Variants in HLA-DMA observed in about 807,000 individuals in gnomAD.
HLA-DMA encodes HLA class II histocompatibility antigen, DM alpha chain.
HLA-DMA carries 20 observed loss-of-function variants against 27.3 expected under a neutral mutation model. The ratio of observed to expected loss-of-function variants is 0.73; its 90% CI spans 0.52 to 1.07. The LOEUF (loss-of-function observed/expected upper bound fraction) is 1.07, where lower values mean the gene tolerates loss of function less well. Ranked by LOEUF, HLA-DMA falls within the 50% of genes least tolerant of loss-of-function variation. HLA-DMA has a pLI of 0.00. For missense variants in HLA-DMA, 241 were observed against 321.7 expected, an observed-to-expected ratio of 0.75 and a Z score of 1.92; for synonymous variants, 111 against 126.8, an observed-to-expected ratio of 0.88 and a Z score of 0.83.
rs1049152550 is a variant in HLA-DMA at position 32,950,725 on chromosome 6, C to T, written c.167G>A (p.Ser56Asn). The T allele has an allele frequency of 2.4e-5, 39 of 1,612,612 alleles. No homozygotes were observed. Among genetic ancestry groups the T allele is most frequent in the Non-Finnish European group, 3.3e-5 (39 of 1,179,734 alleles). Reference protein sequence around the residue: ...HTVYCQDGSPSVGLSEAYDED... With the variant: ...HTVYCQDGSPNVGLSEAYDED... ...GTCGTAGGCCTCAGAGAGTCCCACA[C>T]TGGGACTCCCATCCTGGCAGTACAC... The change falls in exon 2 of 5, where the codon AGT becomes AAT. Residue 56 changes from serine (S) to asparagine (N), a missense_variant. Transcript: ENST00000374843. The surrounding 1 kb of genome is among the most constrained non-coding windows in gnomAD (Gnocchi z 5.0).
At position 32,950,845 on chromosome 6, in the gene HLA-DMA, T is replaced by C; in HGVS notation, c.89-42A>G. ...GTGAGGTTCAGGGAGGTGGGAGCCTTCTCCTCCAACTTAAAAAACAGCAAG... is the reference window on the plus strand; with the variant it reads ...GTGAGGTTCAGGGAGGTGGGAGCCTCCTCCTCCAACTTAAAAAACAGCAAG... On this transcript the variant is annotated intron_variant, in intron 1 of 4. Coordinates refer to ENST00000374843, the MANE Select transcript of HLA-DMA (RefSeq NM_006120.4). This position sits in a 1 kb window ranked among gnomAD's most constrained non-coding sequence, Gnocchi z 5.0. 1 of 1,584,404 alleles carries C rather than the reference T, an allele frequency of 6.3e-7. No homozygotes were observed. The highest frequency in any genetic ancestry group is 8.6e-7 in the Non-Finnish European group (1 of 1,161,442).
Position 32,949,479 on chromosome 6 carries a change from G to T in HLA-DMA, c.653-80C>A. On this transcript the variant is annotated intron_variant, in intron 3 of 4. Transcript: ENST00000374843. This position sits in a 1 kb window ranked among gnomAD's most constrained non-coding sequence, Gnocchi z 5.8. ...GGGAAATGACGTGGGTGTCTGGGATGACATGGGAGACTGGGATGGGCTTAG... is the reference window on the plus strand; with the variant it reads ...GGGAAATGACGTGGGTGTCTGGGATTACATGGGAGACTGGGATGGGCTTAG... 6.2e-7 allele frequency: 1 copy of T among 1,601,826 alleles called. No individual in the cohort carries two copies. The highest frequency in any genetic ancestry group is 1.1e-5 in the South Asian group (1 of 90,554).
At position 32,950,025 on chromosome 6, in the gene HLA-DMA, C is replaced by T. The variant is rs1054316217; in HGVS notation, c.374-136G>A. 8 of 825,288 alleles carry T rather than the reference C, an allele frequency of 9.7e-6. No homozygotes were observed. In the African/African-American group the frequency reaches 1.0e-4, roughly 11 times the overall value. The allele number at this position is 825,288 out of a possible 1,614,324, so 51.1% of individuals were successfully genotyped here. A position where few individuals can be genotyped will look rare whatever the true frequency, so the allele number is the denominator to read the frequency against. ...TCAGGCTTTGGGAGACAGAGATGAG[C>T]GAGGAGCTGGGCTCTGAAGGGAGGT... is the stretch of plus-strand genomic sequence containing the variant. On this transcript the variant is annotated intron_variant, in intron 2 of 4. Coordinates refer to ENST00000374843, the MANE Select transcript of HLA-DMA (RefSeq NM_006120.4). This position sits in a 1 kb window ranked among gnomAD's most constrained non-coding sequence, Gnocchi z 5.0.
In HLA-DMA at chr6:32,948,708, A is replaced by G; in HGVS notation, c.*156T>C. 1.2e-6 allele frequency: 1 copy of G among 836,996 alleles called. No individual in the cohort carries two copies. The highest frequency in any genetic ancestry group is 1.7e-5 in the African/African-American group (1 of 59,432). 51.8% of individuals were successfully genotyped at this position (836,996 alleles called of 1,614,324 possible). On this transcript the variant is annotated 3_prime_UTR_variant, in exon 5 of 5. Transcript: ENST00000374843. The stretch of plus-strand genomic sequence containing the variant: ...GGATCCCTGGGATGCAAGCCCAGGG[A>G]CAGCAGAGTCCCCAGGTGGGAAATC...
intron 1 of HLA-DMA, among the ~76,000 whole-genome samples, chr6:32,951,305 T>C (rs764501920): frequency 2.6e-5 from 4 of 152,026 alleles, no homozygotes; most frequent in African/African-American, 7.2e-5. Flanking sequence ...AAAAGGCCAG[T>C]TGGCAAAAGT....
In HLA-DMA at chr6:32,949,771, ATGATGCTGCCAGTTCACTG is replaced by A; in HGVS notation, c.473_491del (p.Thr158IlefsTer27). On this transcript the variant is annotated frameshift_variant, in exon 3 of 5. Coordinates refer to ENST00000374843, the MANE Select transcript of HLA-DMA (RefSeq NM_006120.4). LOFTEE classifies it high-confidence loss of function. The surrounding 1 kb of genome is among the most constrained non-coding windows in gnomAD (Gnocchi z 5.8). ...GCCCAAATCCTTCCACAGGGACGGAATGATGCTGCCAGTTCACTGTCAGCATGGGTGGGAAGAGATTACT... is the reference window on the plus strand; with the variant it reads ...GCCCAAATCCTTCCACAGGGACGGAATCAGCATGGGTGGGAAGAGATTACT... 6.2e-7 allele frequency: 1 copy of A among 1,613,128 alleles called. No individual in the cohort carries two copies. The highest frequency in any genetic ancestry group is 8.5e-7 in the Non-Finnish European group (1 of 1,180,050).
chr6:32,952,841 CA>C (rs1201501119), intron 1 of HLA-DMA, 107 bp downstream of exon 1: 1 of 784,190 alleles, frequency 1.3e-6, no homozygotes, highest in Non-Finnish European at 2.2e-6. Context: ...CTGTTGTTTC[CA>C]CTGCCTCATA....
chr6:32,950,240 G>A lies in HLA-DMA; in HGVS notation c.373+279C>T, dbSNP rs1186454160. 3.4e-6 allele frequency: 2 copies of A among 593,592 alleles called. No homozygotes were observed. The highest frequency in any genetic ancestry group is 3.7e-5 in the African/African-American group (2 of 53,788). 36.8% of individuals were successfully genotyped at this position (593,592 alleles called of 1,614,324 possible). A position where few individuals can be genotyped will look rare whatever the true frequency, so the allele number is the denominator to read the frequency against. On this transcript the variant is annotated intron_variant, in intron 2 of 4. Coordinates refer to ENST00000374843, the MANE Select transcript of HLA-DMA (RefSeq NM_006120.4). The surrounding 1 kb of genome is among the most constrained non-coding windows in gnomAD (Gnocchi z 5.0). ...TTCCACTCTTCCCATCCATCTTGCT[G>A]GGCATAGTAGCACAAGTGTTAATAT... is the stretch of plus-strand genomic sequence containing the variant.
chr6:32,949,329 C>A lies in HLA-DMA; in HGVS notation c.723G>T (p.Val241=). 6.2e-7 allele frequency: 1 copy of A among 1,614,212 alleles called. No homozygotes were observed. Among genetic ancestry groups the A allele is most frequent in the Non-Finnish European group, 8.5e-7 (1 of 1,180,046 alleles). ...VLCGVAFGLG[V]LGIIVGIVLI... ...GAACAATGCCCACGATGATGCCCAG[C>A]ACACCCAGGCCAAAGGCCACGCCAC... Residue 241 remains valine (V), a synonymous_variant, in exon 4 of 5, where the codon GTG becomes GTT. Transcript: ENST00000374843. This position sits in a 1 kb window ranked among gnomAD's most constrained non-coding sequence, Gnocchi z 5.8.
chr6:32,949,551 C>T lies in HLA-DMA; in HGVS notation c.652+60G>A. ...GTACCAGTGGAGAAAGAAGCCTCCT[C>T]CCATGGATCTATCCCTTTTTGCCCC... is the stretch of plus-strand genomic sequence containing the variant. On this transcript the variant is annotated intron_variant, in intron 3 of 4. Transcript: ENST00000374843. The surrounding 1 kb of genome is among the most constrained non-coding windows in gnomAD (Gnocchi z 5.8). 6.2e-7 allele frequency: 1 copy of T among 1,604,526 alleles called. No homozygotes were observed. Among genetic ancestry groups the T allele is most frequent in the East Asian group, 2.2e-5 (1 of 44,754 alleles).
chr6:32,951,699 C>T (rs1322368389), intron 1 of HLA-DMA, among the ~76,000 whole-genome samples: 3 of 151,960 alleles, frequency 2.0e-5, no homozygotes, highest in African/African-American at 4.8e-5. Flanking sequence ...GAGGCCAAGG[C>T]GGGTGGATCA....
At position 32,949,286 on chromosome 6, in the gene HLA-DMA, T is replaced by C. The variant is rs1776784538; in HGVS notation, c.766A>G (p.Lys256Glu). Reference protein sequence around the residue: ...VGIVLIIYFRKPCSGD With the variant: ...VGIVLIIYFREPCSGD ...GATGACATACCACCTGAGCAAGGCT[T>C]CCGGAAGTAGATGATGAGAACAATG... Residue 256 changes from lysine (K) to glutamate (E), a missense_variant, in exon 4 of 5, where the codon AAG (lysine) becomes GAG (glutamate). Physicochemically the swap from Lys to Glu is moderately conservative, Grantham distance 56. Coordinates refer to ENST00000374843, the MANE Select transcript of HLA-DMA (RefSeq NM_006120.4). The surrounding 1 kb of genome is among the most constrained non-coding windows in gnomAD (Gnocchi z 5.8). The C allele has an allele frequency of 6.2e-7, 1 of 1,613,932 alleles. No homozygotes were observed. The highest frequency in any genetic ancestry group is 8.5e-7 in the Non-Finnish European group (1 of 1,180,006).
chr6:32,950,202 C>T lies in HLA-DMA; in HGVS notation c.374-313G>A, dbSNP rs1014953785. The T allele has an allele frequency of 4.4e-5, 26 of 590,706 alleles. No homozygotes were observed. The highest frequency in any genetic ancestry group is 6.6e-5 in the Non-Finnish European group (22 of 333,380). The allele number at this position is 590,706 out of a possible 1,614,324, so 36.6% of individuals were successfully genotyped here. A position where few individuals can be genotyped will look rare whatever the true frequency, so the allele number is the denominator to read the frequency against. ...CTGTCTTCTCACTAAGACATAGTCACGTCATCAGATATTTCCACTCTTCCC... is the reference window on the plus strand; with the variant it reads ...CTGTCTTCTCACTAAGACATAGTCATGTCATCAGATATTTCCACTCTTCCC... On this transcript the variant is annotated intron_variant, in intron 2 of 4. Transcript: ENST00000374843. This position sits in a 1 kb window ranked among gnomAD's most constrained non-coding sequence, Gnocchi z 5.0.
Position 32,948,840 on chromosome 6 carries a change from G to A in HLA-DMA, c.*24C>T. On this transcript the variant is annotated 3_prime_UTR_variant, in exon 5 of 5. Transcript: ENST00000374843. The stretch of plus-strand genomic sequence containing the variant: ...TCTGTTTGGATGGCCGAAGCTGCTG[G>A]CATCAAACTCTGGTCTGGAAGAATC... 6.2e-7 allele frequency: 1 copy of A among 1,613,876 alleles called. No individual in the cohort carries two copies. The highest frequency in any genetic ancestry group is 8.5e-7 in the Non-Finnish European group (1 of 1,179,860).
chr6:32,952,036 C>T (rs1776925288), intron 1 of HLA-DMA, among the ~76,000 whole-genome samples: 1 of 152,192 alleles, frequency 6.6e-6, no homozygotes, highest in African/African-American at 2.4e-5. Flanking sequence ...TGCACAAAGA[C>T]ACCTAGCCAA....
intron 1 of HLA-DMA, chr6:32,952,610 A>ATCTTG (rs1776953169): frequency 2.2e-6 from 1 of 461,140 alleles, no homozygotes; most frequent in Non-Finnish European, 4.1e-6. Context: ...GCAGAGTAGA[A>ATCTTG]TCTTGAGTGG....
Position 32,950,061 on chromosome 6 carries a change from G to T in HLA-DMA, c.374-172C>A. On this transcript the variant is annotated intron_variant, in intron 2 of 4. Transcript: ENST00000374843. The surrounding 1 kb of genome is among the most constrained non-coding windows in gnomAD (Gnocchi z 5.0). The stretch of plus-strand genomic sequence containing the variant: ...GCTCTGAAGGGAGGTCTTCTTCCAG[G>T]CAAGGACTGCAGCTAGACATAGAAG... 1.5e-6 allele frequency: 1 copy of T among 653,092 alleles called. No individual in the cohort carries two copies. Among genetic ancestry groups the T allele is most frequent in the Non-Finnish European group, 2.6e-6 (1 of 384,906 alleles). The allele number at this position is 653,092 out of a possible 1,614,324, so 40.5% of individuals were successfully genotyped here.
chr6:32,949,001 G>C lies in HLA-DMA; in HGVS notation c.782-133C>G. On this transcript the variant is annotated intron_variant, in intron 4 of 4. Coordinates refer to ENST00000374843, the MANE Select transcript of HLA-DMA (RefSeq NM_006120.4). This position sits in a 1 kb window ranked among gnomAD's most constrained non-coding sequence, Gnocchi z 5.8. The stretch of plus-strand genomic sequence containing the variant: ...ACCCTGCAGAAGTTGATCTCTCCTT[G>C]TTCCCAAATCATCTCCAAGCACCCT... 9.2e-7 allele frequency: 1 copy of C among 1,092,484 alleles called. No individual in the cohort carries two copies. Among genetic ancestry groups the C allele is most frequent in the Non-Finnish European group, 1.3e-6 (1 of 760,186 alleles). 67.7% of individuals were successfully genotyped at this position (1,092,484 alleles called of 1,614,324 possible). A position where few individuals can be genotyped will look rare whatever the true frequency, so the allele number is the denominator to read the frequency against.
chr6:32,949,265 A>G lies in HLA-DMA; in HGVS notation c.781+6T>C. The G allele has an allele frequency of 6.2e-7, 1 of 1,614,054 alleles. No homozygotes were observed. The highest frequency in any genetic ancestry group is 8.5e-7 in the Non-Finnish European group (1 of 1,179,996). Reference sequence around the variant, plus strand: ...CAGGCTCACCCGCCCCCTCCAGATGACATACCACCTGAGCAAGGCTTCCGG... The same window carrying G: ...CAGGCTCACCCGCCCCCTCCAGATGGCATACCACCTGAGCAAGGCTTCCGG... On this transcript the variant is annotated splice_donor_region_variant and intron_variant, in intron 4 of 4. Transcript: ENST00000374843. This position sits in a 1 kb window ranked among gnomAD's most constrained non-coding sequence, Gnocchi z 5.8.
Sources: gnomAD v4.1 joint callset for allele counts (sites outside exome capture counted in the v4.1 genomes callset) on GRCh38, gnomAD v4.1.1 for gene constraint, Gnocchi (gnomAD v3.1) non-coding constraint, MANE v1.5 for transcripts, NCBI Gene and HGNC (gene_info 2026-07-23, HGNC 2026-07-21) for gene names.